The following RHPN2 variants were observed in gnomAD, a reference collection of about 807,000 sequenced individuals.
RHPN2 encodes rhophilin-2.
In RHPN2, 40 loss-of-function variants were observed where a neutral mutation model predicts 79.0. That is an observed-to-expected ratio of 0.51 (90% CI 0.39 to 0.66). RHPN2 has a LOEUF of 0.66. Ranked by LOEUF, RHPN2 falls within the 30% of genes least tolerant of loss-of-function variation. RHPN2 has a pLI of 0.00. For synonymous variants in RHPN2, 285 were observed against 363.5 expected, an observed-to-expected ratio of 0.78 and a Z score of 2.46; for missense variants, 686 against 883.5, an observed-to-expected ratio of 0.78 and a Z score of 2.83.
At chr19:33,059,914 C>T (rs1417169531) in intron 1 of RHPN2, among the ~76,000 whole-genome samples, 1 of 152,192 alleles carries the variant, frequency 6.6e-6, no homozygotes, top group Non-Finnish European at 1.5e-5. Context: ...AGCGGAGGAT[C>T]CTTTCTAGCC....
At chr19:33,019,472 G>A (rs556339067) in intron 4 of RHPN2, among the ~76,000 whole-genome samples, 4 of 151,578 alleles carry the variant, frequency 2.6e-5, no homozygotes, top group Admixed American at 1.3e-4. Context: ...CCAGCTACTC[G>A]TAAGGCTGAG....
intron 14 of RHPN2, among the ~76,000 whole-genome samples, chr19:32,990,169 G>A (rs1369318604): frequency 1.6e-4 from 7 of 44,698 alleles, no homozygotes; most frequent in African/African-American, 6.9e-4. Context: ...AAGAAAGAGC[G>A]AGCCAGGGGT....
chr19:33,064,690 AC>A, intron 1 of RHPN2, 93 bp downstream of exon 1: 1 of 1,230,070 alleles, frequency 8.1e-7, no homozygotes, highest in Non-Finnish European at 1.1e-6. Context: ...GGCCTAGTGG[AC>A]CCCGACTGCG....
chr19:33,034,376 T>C (rs1164980203), intron 2 of RHPN2, among the ~76,000 whole-genome samples: 2 of 151,206 alleles, frequency 1.3e-5, no homozygotes, highest in African/African-American at 2.4e-5. Context: ...GAGGCCGAGG[T>C]GGGCAGATCA....
At chr19:33,038,901 G>A (rs1213304285) in intron 2 of RHPN2, among the ~76,000 whole-genome samples, 1 of 151,870 alleles carries the variant, frequency 6.6e-6, no homozygotes, top group Non-Finnish European at 1.5e-5. Context: ...CAAATGATTT[G>A]CCCGCTTCAG....
chr19:33,055,811 A>C (rs1972227861), intron 1 of RHPN2, among the ~76,000 whole-genome samples: 1 of 151,886 alleles, frequency 6.6e-6, no homozygotes, highest in African/African-American at 2.4e-5. Flanking sequence ...CAGAGTCAAC[A>C]GGGACCATAA....
chr19:32,996,485 C>T (rs1309756099), intron 10 of RHPN2: 3 of 506,394 alleles, frequency 5.9e-6, no homozygotes, highest in South Asian at 4.0e-5. Flanking sequence ...TCCAAGCACA[C>T]CCAGGAATGC....
At position 32,994,042 on chromosome 19, in the gene RHPN2, G is replaced by C. The variant is rs772683149; in HGVS notation, c.1432C>G (p.Gln478Glu). 13 of 1,611,172 alleles carry C rather than the reference G, an allele frequency of 8.1e-6. No individual in the cohort carries two copies. The highest frequency in any genetic ancestry group is 2.2e-5 in the South Asian group (2 of 91,030). Residue 478 changes from glutamine to glutamate, a missense_variant, in exon 12 of 15, where the codon CAA becomes GAA. Physicochemically the swap from Gln to Glu is conservative, Grantham distance 29. Transcript: ENST00000254260. ...TGGGGCAATATAATGTCAACCTCTT[G>C]CTCAGTTTTAGCTAGAATAGAGGAT... ...DAPSVVAKTE[Q>E]EVDIILPQFS...
At chr19:33,040,715 G>A (rs1245289840) in intron 2 of RHPN2, among the ~76,000 whole-genome samples, 1 of 152,114 alleles carries the variant, frequency 6.6e-6, no homozygotes, top group African/African-American at 2.4e-5. Context: ...AGCACTTTGG[G>A]AGGCTGAGGC....
intron 7 of RHPN2, among the ~76,000 whole-genome samples, chr19:33,005,324 A>T (rs1971781308): frequency 6.6e-6 from 1 of 150,684 alleles, no homozygotes; most frequent in South Asian, 2.1e-4. Flanking sequence ...GAGGCAGGAG[A>T]ATCACTTGAA....
rs531646700 is a variant in RHPN2 at position 32,979,936 on chromosome 19, C to T, written c.*60G>A. On this transcript the variant is annotated 3_prime_UTR_variant, in exon 15 of 15. Transcript: ENST00000254260. ...TAGATATTTTCCATTATGGCACAAA[C>T]GTTTAAGGCCGAGTCAGCACCGGAA... 12 of 1,590,768 alleles carry T rather than the reference C, an allele frequency of 7.5e-6. No individual in the cohort carries two copies. Among genetic ancestry groups the T allele is most frequent in the South Asian group, 2.2e-5 (2 of 90,378 alleles).
intron 2 of RHPN2, among the ~76,000 whole-genome samples, chr19:33,040,846 C>T (rs563856484): frequency 5.9e-5 from 9 of 151,956 alleles, no homozygotes; most frequent in East Asian, 1.9e-4. Context: ...CCCAGCTACT[C>T]GGGAGGCTGA....
rs375413564 is a variant in RHPN2, at chr19:33,050,055, C to T, written c.70-5691G>A. Among the ~76,000 whole-genome samples, 171 of 152,260 alleles carry T rather than the reference C, an allele frequency of 1.1e-3. 1 individual carries two copies. Among genetic ancestry groups the T allele is most frequent in the African/African-American group, 3.8e-3 (160 of 41,560 alleles). On this transcript the variant is annotated intron_variant, in intron 1 of 14. Transcript: ENST00000254260. Reference sequence around the variant, plus strand: ...GGGTGTGTGTGTAAATCCATGCTCCCCCAACATCCTTTCCAAAGGGAAGAA... The same window carrying T: ...GGGTGTGTGTGTAAATCCATGCTCCTCCAACATCCTTTCCAAAGGGAAGAA...
At chr19:32,994,503 AC>A (rs1244058528) in intron 11 of RHPN2, among the ~76,000 whole-genome samples, 1 of 151,942 alleles carries the variant, frequency 6.6e-6, no homozygotes, top group Admixed American at 6.6e-5. Context: ...ACAGAGCTCA[AC>A]CCCCGACCTA....
At chr19:33,051,627 AT>A (rs1972188739) in intron 1 of RHPN2, 1 of 189,642 alleles carries the variant, frequency 5.3e-6, no homozygotes, top group Non-Finnish European at 1.2e-5. Flanking sequence ...TCAGAATGTT[AT>A]CCTAGGTGAA....
At chr19:33,037,698 C>G (rs147875872) in intron 2 of RHPN2, among the ~76,000 whole-genome samples, 144 of 152,214 alleles carry the variant, frequency 9.5e-4, no homozygotes, top group African/African-American at 3.3e-3. Flanking sequence ...CCTGAGCCAG[C>G]GAGACCACAA....
chr19:33,033,493 G>A (rs11084697), intron 2 of RHPN2, among the ~76,000 whole-genome samples: 30,487 of 152,120 alleles, frequency 0.2, 3,875 homozygotes, highest in East Asian at 0.5. Context: ...TTGAACCTGG[G>A]AAGCGAAGAT....
intron 1 of RHPN2, among the ~76,000 whole-genome samples, chr19:33,045,742 G>T (rs913229643): frequency 6.6e-6 from 1 of 152,158 alleles, no homozygotes; most frequent in Non-Finnish European, 1.5e-5. Flanking sequence ...CCAAAGTGCT[G>T]GGATTACAGG....
intron 4 of RHPN2, among the ~76,000 whole-genome samples, chr19:33,017,703 T>TAA (rs758409340): frequency 2.0e-5 from 2 of 98,116 alleles, no homozygotes; most frequent in Non-Finnish European, 2.1e-5. Context: ...CCCCATCTCT[T>TAA]AAAAAAAAAA....
Sources: gnomAD v4.1 joint callset for allele counts (sites outside exome capture counted in the v4.1 genomes callset) on GRCh38, gnomAD v4.1.1 for gene constraint, MANE v1.5 for transcripts, NCBI Gene and HGNC (gene_info 2026-07-23, HGNC 2026-07-21) for gene names.